Variants in SPEF2 observed in about 807,000 individuals in gnomAD.
The protein encoded by SPEF2 is sperm flagellar and cilia associated 2.
SPEF2 carries 187 observed loss-of-function variants against 224.6 expected under a neutral mutation model. The ratio of observed to expected loss-of-function variants is 0.83; its 90% CI spans 0.74 to 0.94. The LOEUF (loss-of-function observed/expected upper bound fraction) is 0.94. SPEF2 is among the 40% of genes least tolerant of loss of function. The pLI, the probability that SPEF2 is intolerant of heterozygous loss-of-function variation, is 0.00. For missense variants in SPEF2, 2,170 were observed against 2,135.6 expected (o/e 1.02, Z -0.32); for synonymous variants, 715 against 707.3 (o/e 1.01, Z -0.17).
chr5:35,804,369 G>C (rs1160617199), intron 34 of SPEF2, among the ~76,000 whole-genome samples: 1 of 152,180 alleles, frequency 6.6e-6, no homozygotes, highest in Non-Finnish European at 1.5e-5. Context: ...GTAGAGCTTT[G>C]ATACCACTGA....
At chr5:35,690,358 A>T (rs899914953) in intron 10 of SPEF2, among the ~76,000 whole-genome samples, 19 of 152,180 alleles carry the variant, frequency 1.2e-4, no homozygotes, top group African/African-American at 3.9e-4. Context: ...GTACAGTTTG[A>T]TCTGACCCCA....
At chr5:35,747,287 A>T (rs1422135814) in intron 23 of SPEF2, among the ~76,000 whole-genome samples, 1 of 152,138 alleles carries the variant, frequency 6.6e-6, no homozygotes, top group African/African-American at 2.4e-5. Flanking sequence ...AAAAAAAACC[A>T]AAAGTACACA....
chr5:35,777,169 T>C (rs1304522512), intron 29 of SPEF2, among the ~76,000 whole-genome samples: 1 of 152,162 alleles, frequency 6.6e-6, no homozygotes, highest in Non-Finnish European at 1.5e-5. Context: ...ACACAAACAG[T>C]ATTCAAAAGG....
intron 24 of SPEF2, 101 bp from the exon 25 acceptor site, chr5:35,759,467 C>A: frequency 9.5e-7 from 1 of 1,047,700 alleles, no homozygotes; most frequent in Non-Finnish European, 1.3e-6. Flanking sequence ...TATTTTCAAT[C>A]TAAATGTTTT....
At chr5:35,785,499 T>G (rs1159544587) in intron 30 of SPEF2, among the ~76,000 whole-genome samples, 1 of 151,864 alleles carries the variant, frequency 6.6e-6, no homozygotes, top group Non-Finnish European at 1.5e-5. Flanking sequence ...ATTAAATTTT[T>G]TTAATTTTAA....
chr5:35,680,771 A>T (rs73082265), intron 10 of SPEF2, among the ~76,000 whole-genome samples: 1 of 152,178 alleles, frequency 6.6e-6, no homozygotes, highest in East Asian at 1.9e-4. Context: ...ACCTAACCCT[A>T]TGAGCTGTGA....
intron 2 of SPEF2, among the ~76,000 whole-genome samples, chr5:35,630,520 C>A (rs1744931970): frequency 1.3e-5 from 2 of 152,086 alleles, no homozygotes; most frequent in Non-Finnish European, 2.9e-5. Context: ...CACGGTGAAA[C>A]CCCGTCTCTA....
intron 27 of SPEF2, 78 bp from the exon 28 acceptor site, chr5:35,773,815 G>A (rs984755890): frequency 1.2e-4 from 176 of 1,484,336 alleles, no homozygotes; most frequent in Admixed American, 7.0e-5. Context: ...ACTTTGCTTT[G>A]TGCTCATTCT....
intron 1 of SPEF2, among the ~76,000 whole-genome samples, chr5:35,620,815 C>G (rs1446519212): frequency 6.6e-6 from 1 of 151,924 alleles, no homozygotes; most frequent in Non-Finnish European, 1.5e-5. Flanking sequence ...ATATTTGTAC[C>G]AATTAGGAAA....
chr5:35,715,637 G>GA (rs1352631599), intron 20 of SPEF2, among the ~76,000 whole-genome samples: 1 of 151,864 alleles, frequency 6.6e-6, no homozygotes, highest in Non-Finnish European at 1.5e-5. Context: ...TAGAAGTTCA[G>GA]AAAAAAACTC....
chr5:35,810,497 G>A (rs1758468982), intron 36 of SPEF2, among the ~76,000 whole-genome samples: 1 of 152,162 alleles, frequency 6.6e-6, no homozygotes. Flanking sequence ...CTCCTTTTAA[G>A]TTATACATTC....
At chr5:35,695,267 T>G (rs529212263) in intron 13 of SPEF2, among the ~76,000 whole-genome samples, 147 of 83,764 alleles carry the variant, frequency 1.8e-3, no homozygotes, top group East Asian at 6.7e-3. Context: ...AACTTCTGGT[T>G]TTTTTTTTTT....
chr5:35,671,514 G>C lies in SPEF2; in HGVS notation c.1524+1287G>C, dbSNP rs947812717. On this transcript the variant is annotated intron_variant, in intron 10 of 36. Transcript: ENST00000356031. The stretch of plus-strand genomic sequence containing the variant: ...TGCCATGTAAGAAAATGCTTTGACA[G>C]TATCAACCTGTGTTAAGGTATTTCT... 2.7e-5 allele frequency: 27 copies of C among 983,192 alleles called. No individual in the cohort carries two copies. In the African/African-American group the frequency reaches 4.7e-4, roughly 17 times the overall value. The allele number at this position is 983,192 out of a possible 1,614,324, so 60.9% of individuals were successfully genotyped here. A position where few individuals can be genotyped will look rare whatever the true frequency, so the allele number is the denominator to read the frequency against.
intron 10 of SPEF2, among the ~76,000 whole-genome samples, chr5:35,678,884 A>C (rs1454693148): frequency 6.6e-6 from 1 of 152,114 alleles, no homozygotes; most frequent in South Asian, 2.1e-4. Flanking sequence ...ACACAGCTGA[A>C]CTCCCCTTAG....
chr5:35,679,454 G>A (rs1752480284), intron 10 of SPEF2, among the ~76,000 whole-genome samples: 1 of 152,160 alleles, frequency 6.6e-6, no homozygotes, highest in Admixed American at 6.5e-5. Context: ...AACTGCAACA[G>A]AACAGGACAC....
intron 21 of SPEF2, among the ~76,000 whole-genome samples, chr5:35,728,268 C>G (rs530655629): frequency 7.3e-5 from 11 of 150,878 alleles, no homozygotes; most frequent in Admixed American, 7.2e-4. Context: ...AAAGAACAGA[C>G]AGCTATCTGA....
At position 35,759,654 on chromosome 5, in the gene SPEF2, CAA is replaced by C. The variant is rs1188461697; in HGVS notation, c.3556_3557del (p.Lys1186GlufsTer12). The C allele has an allele frequency of 1.9e-6, 3 of 1,611,562 alleles. No individual in the cohort carries two copies. In the Admixed American group the frequency reaches 5.0e-5, roughly 27 times the overall value. ...MESKIPVEDN[K>X]RFTRIPLVQL... ...AAAGTAAAATCCCAGTAGAGGACAA[CAA>C]GAGATTTACTCGAATCCCTTTGGTC... is the stretch of plus-strand genomic sequence containing the variant. On this transcript the variant is annotated frameshift_variant, in exon 25 of 37. Coordinates refer to ENST00000356031, the MANE Select transcript of SPEF2 (RefSeq NM_024867.4). LOFTEE classifies it high-confidence loss of function.
chr5:35,670,721 T>C, intron 10 of SPEF2: 1 of 985,788 alleles, frequency 1.0e-6, no homozygotes, highest in African/African-American at 1.7e-5. Context: ...CCAACTGTGA[T>C]TTTTAGAAGA....
At chr5:35,799,501 G>A (rs1239333499) in intron 33 of SPEF2, among the ~76,000 whole-genome samples, 2 of 152,200 alleles carry the variant, frequency 1.3e-5, no homozygotes, top group Non-Finnish European at 2.9e-5. Flanking sequence ...AGGTGAACCA[G>A]TTTAAAGACT....
Sources: allele counts gnomAD v4.1 joint callset (sites outside exome capture counted in the v4.1 genomes callset), GRCh38; gene constraint gnomAD v4.1.1; transcripts MANE v1.5; gene names NCBI Gene and HGNC (gene_info 2026-07-23, HGNC 2026-07-21).